The following PIK3C2G variants were observed in gnomAD, a reference collection of about 807,000 sequenced individuals.
PIK3C2G encodes the protein phosphatidylinositol 3-kinase C2 domain-containing subunit gamma.
A neutral mutation model predicts 181.1 loss-of-function variants in PIK3C2G; 168 were observed. That is an observed-to-expected ratio of 0.93 (90% confidence interval 0.82 to 1.05). The LOEUF is 1.05. Ranked by LOEUF, PIK3C2G falls within the 50% of genes least tolerant of loss-of-function variation. The pLI, the probability that PIK3C2G is intolerant of heterozygous loss-of-function variation, is 0.00. For missense variants in PIK3C2G, 1,869 were observed against 1,732.8 expected (o/e 1.08, Z -1.40); for synonymous variants, 573 against 592.2 (o/e 0.97, Z 0.47).
At chr12:18,501,039 G>C (rs1941436416) in intron 22 of PIK3C2G, among the ~76,000 whole-genome samples, 1 of 151,638 alleles carries the variant, frequency 6.6e-6, no homozygotes, top group Non-Finnish European at 1.5e-5. Context: ...CCACCAGAAG[G>C]AAGAAACTCC....
intron 30 of PIK3C2G, among the ~76,000 whole-genome samples, chr12:18,598,759 G>A (rs984449094): frequency 6.7e-6 from 1 of 148,784 alleles, no homozygotes; most frequent in Non-Finnish European, 1.5e-5. Flanking sequence ...TCTGACAAAG[G>A]GCTAATATCC....
intron 26 of PIK3C2G, among the ~76,000 whole-genome samples, chr12:18,547,644 A>AAAAACAAAAC (rs143686648): frequency 0.02 from 3,009 of 151,064 alleles, 55 homozygotes; most frequent in African/African-American, 0.056. Flanking sequence ...GAGTTGTTGC[A>AAAAACAAAAC]AAAACAAAAC....
At chr12:18,314,107 T>G in intron 6 of PIK3C2G, 43 bp downstream of exon 6, 1 of 955,842 alleles carries the variant, frequency 1.0e-6, no homozygotes, top group Non-Finnish European at 1.6e-6. Flanking sequence ...AAACTGACAG[T>G]TTTAAGGACA....
intron 3 of PIK3C2G, among the ~76,000 whole-genome samples, chr12:18,290,317 C>T (rs1949636571): frequency 1.3e-5 from 2 of 152,146 alleles, no homozygotes; most frequent in African/African-American, 4.8e-5. Flanking sequence ...ATAAGAATTA[C>T]TTTTAGGCTC....
At chr12:18,594,716 G>A (rs567778698) in intron 30 of PIK3C2G, 147 bp downstream of exon 30, 43 of 443,536 alleles carry the variant, frequency 9.7e-5, no homozygotes, top group Middle Eastern at 1.1e-3. Context: ...TTTCCATAGC[G>A]TAAACTTGAA....
intron 30 of PIK3C2G, among the ~76,000 whole-genome samples, chr12:18,597,566 G>A (rs1484767741): frequency 6.6e-6 from 1 of 152,092 alleles, no homozygotes; most frequent in African/African-American, 2.4e-5. Context: ...ATAACTCTAT[G>A]TGAAAACACA....
intron 5 of PIK3C2G, among the ~76,000 whole-genome samples, chr12:18,309,265 T>C (rs1284649823): frequency 1.3e-5 from 2 of 151,854 alleles, no homozygotes; most frequent in African/African-American, 2.4e-5. Flanking sequence ...AATATGTCCA[T>C]TGGATTCTGC....
At chr12:18,407,716 T>G (rs1019212871) in intron 16 of PIK3C2G, among the ~76,000 whole-genome samples, 2 of 152,096 alleles carry the variant, frequency 1.3e-5, no homozygotes, top group African/African-American at 4.8e-5. Flanking sequence ...AAGTCTTCCT[T>G]AAGTAAGTTA....
At chr12:18,256,418 C>T (rs545183108) in intron 1 of PIK3C2G, among the ~76,000 whole-genome samples, 65 of 152,180 alleles carry the variant, frequency 4.3e-4, no homozygotes, top group Admixed American at 2.9e-3. Context: ...TGCTCTCCTT[C>T]GGTTTATGGG....
In PIK3C2G at chr12:18,488,538, T is replaced by G; in HGVS notation, c.2594T>G (p.Leu865Trp). The G allele has an allele frequency of 1.9e-6, 3 of 1,593,544 alleles. No individual in the cohort carries two copies. The highest frequency in any genetic ancestry group is 2.6e-6 in the Non-Finnish European group (3 of 1,169,618). ...AALQFCAGKA[L>W]NDEFSKEQKL... ...CTCCAATTCTGTGCAGGTAAAGCCT[T>G]GAATGATGAGTTTTCCAAGGAGCAG... The change falls in exon 19 of 33, where the codon TTG becomes TGG. Residue 865 changes from leucine to tryptophan, a missense_variant. By Grantham distance (61) the Leu-to-Trp change is moderately conservative (BLOSUM62 -2). Coordinates refer to ENST00000538779, the MANE Select transcript of PIK3C2G (RefSeq NM_001288772.2).
intron 18 of PIK3C2G, among the ~76,000 whole-genome samples, chr12:18,440,402 A>G (rs997368490): frequency 2.6e-5 from 4 of 152,164 alleles, no homozygotes; most frequent in African/African-American, 9.7e-5. Flanking sequence ...CATACTTGTA[A>G]GGCATTGATA....
At chr12:18,273,881 G>C (rs1948856668) in intron 1 of PIK3C2G, among the ~76,000 whole-genome samples, 1 of 151,874 alleles carries the variant, frequency 6.6e-6, no homozygotes, top group Admixed American at 6.6e-5. Context: ...TACAGAATGG[G>C]AGAAAATTTT....
intron 24 of PIK3C2G, among the ~76,000 whole-genome samples, chr12:18,515,541 T>A (rs907127225): frequency 5.9e-5 from 9 of 152,060 alleles, no homozygotes; most frequent in Admixed American, 4.6e-4. Context: ...TCTGAGCCTT[T>A]GTATTTCTAT....
chr12:18,371,609 A>T (rs1459240733), intron 13 of PIK3C2G, among the ~76,000 whole-genome samples: 1 of 152,158 alleles, frequency 6.6e-6, no homozygotes, highest in South Asian at 2.1e-4. Flanking sequence ...TGGAACTAGT[A>T]ATTCAAAATG....
intron 11 of PIK3C2G, among the ~76,000 whole-genome samples, chr12:18,352,187 T>C (rs144444024): frequency 1.2e-3 from 179 of 152,300 alleles, no homozygotes; most frequent in African/African-American, 4.0e-3. Context: ...ATTTTGCAGA[T>C]TAAGAAATTA....
chr12:18,643,265 A>C (rs1052317693), intron 32 of PIK3C2G, among the ~76,000 whole-genome samples: 5 of 152,130 alleles, frequency 3.3e-5, no homozygotes, highest in African/African-American at 1.2e-4. Context: ...ATTAAAACTC[A>C]CTACAAATCT....
chr12:18,487,096 T>TGTGTGTG (rs1940115531), intron 18 of PIK3C2G, among the ~76,000 whole-genome samples: 3 of 142,108 alleles, frequency 2.1e-5, no homozygotes, highest in East Asian at 4.2e-4. Flanking sequence ...TTGAGGTATT[T>TGTGTGTG]TGTGTGTGTG....
In PIK3C2G at chr12:18,640,566, T is replaced by C; in HGVS notation, c.4308+12T>C. 2 of 1,579,688 alleles carry C rather than the reference T, an allele frequency of 1.3e-6. No individual in the cohort carries two copies. The highest frequency in any genetic ancestry group is 1.7e-6 in the Non-Finnish European group (2 of 1,161,526). On this transcript the variant is annotated intron_variant, in intron 32 of 32. Coordinates refer to ENST00000538779, the MANE Select transcript of PIK3C2G (RefSeq NM_001288772.2). ...CTTACAATGAAATTGTAAGTATAAG[T>C]CACCTTTTGTCCAGTCATTTTGTAT...
chr12:18,711,089 G>T, the PIK3C2G span, among the ~76,000 whole-genome samples: 2,369 of 152,124 alleles, frequency 0.016, 58 homozygotes, highest in African/African-American at 0.054. Context: ...GCACATATAT[G>T]TTTATTGCGG....
Sources: allele counts gnomAD v4.1 joint callset (sites outside exome capture counted in the v4.1 genomes callset), GRCh38; gene constraint gnomAD v4.1.1; transcripts MANE v1.5; gene names NCBI Gene and HGNC (gene_info 2026-07-23, HGNC 2026-07-21).